ERICH5: variants seen among roughly 807,000 people sequenced by gnomAD.
ERICH5 encodes the protein glutamate-rich protein 5.
In ERICH5, 24 loss-of-function variants were observed where a neutral mutation model predicts 28.0. The ratio of observed to expected loss-of-function variants is 0.86; its 90% CI spans 0.62 to 1.21. The LOEUF (loss-of-function observed/expected upper bound fraction) is 1.21, where lower values mean the gene tolerates loss of function less well. Among genes scored for constraint, ERICH5 ranks in the 50% most tolerant of loss-of-function variants. The pLI is 0.00. For missense variants in ERICH5, 421 were observed against 441.2 expected, an observed-to-expected ratio of 0.95 and a Z score of 0.41; for synonymous variants, 163 against 157.6, an observed-to-expected ratio of 1.03 and a Z score of -0.25.
intron 1 of ERICH5, among the ~76,000 whole-genome samples, chr8:98,085,472 A>AT (rs1258512529): frequency 6.6e-6 from 1 of 151,724 alleles, no homozygotes; most frequent in Non-Finnish European, 1.5e-5. Flanking sequence ...CGTTCCACAG[A>AT]TTTTTTGACC....
At chr8:98,075,369 T>C (rs964513743) in intron 1 of ERICH5, among the ~76,000 whole-genome samples, 5 of 152,212 alleles carry the variant, frequency 3.3e-5, no homozygotes, top group East Asian at 1.9e-4. Flanking sequence ...TTCAATTCAG[T>C]TTTCAAATGT....
intron 2 of ERICH5, among the ~76,000 whole-genome samples, chr8:98,090,293 A>G (rs74641385): frequency 0.016 from 2,391 of 152,316 alleles, 74 homozygotes; most frequent in African/African-American, 0.055. Context: ...TGAAGGCAAC[A>G]TGTGAAACTT....
At chr8:98,075,731 T>C (rs1815038795) in intron 1 of ERICH5, among the ~76,000 whole-genome samples, 1 of 147,300 alleles carries the variant, frequency 6.8e-6, no homozygotes, top group African/African-American at 2.5e-5. Flanking sequence ...ATTTCAGTCT[T>C]CCATCCCAGC....
intron 1 of ERICH5, among the ~76,000 whole-genome samples, chr8:98,083,954 C>T (rs1291352859): frequency 1.3e-5 from 2 of 152,208 alleles, no homozygotes; most frequent in Non-Finnish European, 2.9e-5. Flanking sequence ...GATCACAGCT[C>T]ACTGCAGCCT....
chr8:98,077,987 A>G (rs1315363672), intron 1 of ERICH5, among the ~76,000 whole-genome samples: 1 of 152,230 alleles, frequency 6.6e-6, no homozygotes, highest in Non-Finnish European at 1.5e-5. Context: ...CTTTTATTAA[A>G]AAAGAAAAGT....
intron 2 of ERICH5, among the ~76,000 whole-genome samples, chr8:98,091,872 CTTT>C (rs1223233251): frequency 4.3e-4 from 38 of 88,608 alleles, no homozygotes; most frequent in South Asian, 9.0e-4. Context: ...TTCTTTCTTT[CTTT>C]CTTTCTTTCT....
chr8:98,086,201 A>G (rs117614214), intron 1 of ERICH5, among the ~76,000 whole-genome samples: 6,704 of 152,294 alleles, frequency 0.044, 188 homozygotes, highest in Middle Eastern at 0.075. Context: ...AAAAAAAGAC[A>G]ATAATAGAAC....
chr8:98,089,459 G>A lies in ERICH5; in HGVS notation c.442G>A (p.Glu148Lys), dbSNP rs1815342634. The change falls in exon 2 of 3, where the codon GAA (glutamate) becomes AAA (lysine). Residue 148 changes from glutamate to lysine, a missense_variant. Glu to Lys is a moderately conservative substitution (Grantham distance 56, BLOSUM62 1). Coordinates refer to ENST00000318528, the MANE Select transcript of ERICH5 (RefSeq NM_173549.3). The stretch of plus-strand genomic sequence containing the variant: ...GGCCGAGTCTCTAAAAGGAAATGCT[G>A]AAGCTCAGCCTTTAGGACCAGAAGC... ...TEAESLKGNAEAQPLGPEAKG... is the reference protein window; with the variant it reads ...TEAESLKGNAKAQPLGPEAKG... 7 of 1,614,240 alleles carry A rather than the reference G, an allele frequency of 4.3e-6. No homozygotes were observed. In the East Asian group the frequency reaches 1.6e-4, roughly 36 times the overall value.
intron 1 of ERICH5, among the ~76,000 whole-genome samples, chr8:98,084,159 G>A (rs757635815): frequency 1.1e-4 from 16 of 151,844 alleles, no homozygotes; most frequent in Non-Finnish European, 2.1e-4. Flanking sequence ...AAAGTGCTGG[G>A]ATTACAGGCA....
chr8:98,082,346 G>A (rs1375229103), intron 1 of ERICH5, among the ~76,000 whole-genome samples: 1 of 152,116 alleles, frequency 6.6e-6, no homozygotes, highest in Non-Finnish European at 1.5e-5. Flanking sequence ...GTAAAATTGG[G>A]AAAGTTACAT....
chr8:98,078,886 C>T (rs541903801), intron 1 of ERICH5, among the ~76,000 whole-genome samples: 8 of 152,172 alleles, frequency 5.3e-5, no homozygotes, highest in Admixed American at 1.3e-4. Context: ...TATATAATAA[C>T]GTAGATTAGG....
intron 1 of ERICH5, among the ~76,000 whole-genome samples, chr8:98,088,301 A>G (rs974828817): frequency 2.0e-5 from 3 of 152,186 alleles, no homozygotes; most frequent in Non-Finnish European, 2.9e-5. Flanking sequence ...TTAAACTATC[A>G]CGCCTCATGC....
intron 1 of ERICH5, among the ~76,000 whole-genome samples, chr8:98,065,794 A>G (rs1465862521): frequency 6.6e-6 from 1 of 152,166 alleles, no homozygotes; most frequent in Non-Finnish European, 1.5e-5. Context: ...ACTGGAGTGA[A>G]TTCCTTTTCA....
At chr8:98,073,526 A>T (rs527261952) in intron 1 of ERICH5, among the ~76,000 whole-genome samples, 1 of 8,684 alleles carries the variant, frequency 1.2e-4, no homozygotes, top group African/African-American at 3.5e-4. Context: ...GTATATATAT[A>T]TATATATATA....
At chr8:98,074,889 C>T (rs906284247) in intron 1 of ERICH5, among the ~76,000 whole-genome samples, 5 of 152,196 alleles carry the variant, frequency 3.3e-5, no homozygotes, top group African/African-American at 1.2e-4. Flanking sequence ...TCCTGTTTCA[C>T]TTCCAGCGTC....
In ERICH5 at chr8:98,089,833, C is replaced by G; in HGVS notation, c.816C>G (p.Asp272Glu). ...PKENVTPEVL[D>E]RSQLVEKPVM... Reference sequence around the variant, plus strand: ...AGAATGTAACACCAGAAGTATTGGACAGAAGTCAGCTTGTGGAAAAGCCTG... The same window carrying G: ...AGAATGTAACACCAGAAGTATTGGAGAGAAGTCAGCTTGTGGAAAAGCCTG... Residue 272 changes from aspartate (D) to glutamate (E), a missense_variant, in exon 2 of 3, where the codon GAC becomes GAG. By Grantham distance (45) the Asp-to-Glu change is conservative (BLOSUM62 2). Transcript: ENST00000318528. 1 of 1,614,104 alleles carries G rather than the reference C, an allele frequency of 6.2e-7. No individual in the cohort carries two copies. The highest frequency in any genetic ancestry group is 8.5e-7 in the Non-Finnish European group (1 of 1,180,032).
intron 1 of ERICH5, among the ~76,000 whole-genome samples, chr8:98,065,614 G>A (rs1586195708): frequency 6.6e-6 from 1 of 152,190 alleles, no homozygotes; most frequent in South Asian, 2.1e-4. Context: ...TAAGTACTGT[G>A]AAAAGTATAA....
chr8:98,079,591 G>C (rs201554592), intron 1 of ERICH5, among the ~76,000 whole-genome samples: 1 of 152,024 alleles, frequency 6.6e-6, no homozygotes, highest in South Asian at 2.1e-4. Context: ...TCAGGCTGGA[G>C]TGCAGTGGCG....
chr8:98,093,404 T>C lies in ERICH5; in HGVS notation c.*71T>C, dbSNP rs760312025. The C allele has an allele frequency of 3.2e-5, 31 of 979,928 alleles. No homozygotes were observed. Among genetic ancestry groups the C allele is most frequent in the Non-Finnish European group, 4.5e-5 (29 of 640,498 alleles). 60.7% of individuals were successfully genotyped at this position (979,928 alleles called of 1,614,324 possible). On this transcript the variant is annotated 3_prime_UTR_variant, in exon 3 of 3. Transcript: ENST00000318528. ...AATGGTAGTGAAGCTTGTGGTTATG[T>C]ATCTTATCTTTCTACATTTACATGT...
Sources: allele counts gnomAD v4.1 joint callset (sites outside exome capture counted in the v4.1 genomes callset), GRCh38; gene constraint gnomAD v4.1.1; transcripts MANE v1.5; gene names NCBI Gene and HGNC (gene_info 2026-07-23, HGNC 2026-07-21).